The following CPXM2 variants were observed in gnomAD, a reference collection of about 807,000 sequenced individuals.
The protein encoded by CPXM2 is carboxypeptidase X, M14 family member 2.
A neutral mutation model predicts 86.1 loss-of-function variants in CPXM2; 66 were observed. That is an observed-to-expected ratio of 0.77 (90% CI 0.63 to 0.94). The LOEUF is 0.94. CPXM2 is among the 40% of genes least tolerant of loss of function. The probability of loss-of-function intolerance (pLI) is 0.00; values close to 1 mark genes in which losing one functional copy is unlikely to be tolerated. For missense variants in CPXM2, 948 were observed against 1,026.3 expected, an observed-to-expected ratio of 0.92 and a Z score of 1.04; for synonymous variants, 388 against 400.2, an observed-to-expected ratio of 0.97 and a Z score of 0.36.
chr10:123,782,333 G>A (rs1343610219), intron 6 of CPXM2, among the ~76,000 whole-genome samples: 2 of 152,178 alleles, frequency 1.3e-5, no homozygotes, highest in African/African-American at 4.8e-5. Context: ...TCTTTTCAAA[G>A]GACTTTAAAG....
chr10:123,911,429 G>A (rs1006058128), intron 2 of CPXM2, among the ~76,000 whole-genome samples: 1 of 152,086 alleles, frequency 6.6e-6, no homozygotes, highest in African/African-American at 2.4e-5. Flanking sequence ...GGGCATCGAT[G>A]AAGTTTCTCA....
intron 13 of CPXM2, chr10:123,750,869 C>T (rs1846057669): frequency 1.0e-6 from 1 of 985,180 alleles, no homozygotes; most frequent in African/African-American, 1.7e-5. Flanking sequence ...TGGCTGTTTT[C>T]CCCATGTCTT....
chr10:123,906,180 T>C (rs1334162155), intron 2 of CPXM2, among the ~76,000 whole-genome samples: 1 of 152,184 alleles, frequency 6.6e-6, no homozygotes, highest in Non-Finnish European at 1.5e-5. Context: ...CCAGAAGTCC[T>C]CAGAAATGTG....
Position 123,904,914 on chromosome 10 carries a change from A to C in CPXM2, n.175-24605T>G. The stretch of plus-strand genomic sequence containing the variant: ...CTGGAGGGCCCGAGCTCTGCATCAC[A>C]CCTGCATCCTAGTGAGGGATCAGCC... On this transcript the variant is annotated intron_variant and non_coding_transcript_variant, in intron 2 of 19. Transcript: ENST00000368854. Among the ~76,000 whole-genome samples the C allele has an allele frequency of 1.4e-5, 2 of 147,614 alleles. 1 individual carries two copies. Among genetic ancestry groups the C allele is most frequent in the Non-Finnish European group, 3.0e-5 (2 of 67,472 alleles).
upstream of CPXM2, among the ~76,000 whole-genome samples, chr10:123,895,766 C>T (rs527740052): frequency 3.2e-4 from 48 of 152,258 alleles, 1 homozygote; most frequent in African/African-American, 1.1e-3. Context: ...ACACACCAGT[C>T]GGGGGTAGTA....
intron 6 of CPXM2, among the ~76,000 whole-genome samples, chr10:123,789,958 A>G (rs1331914090): frequency 6.6e-6 from 1 of 152,144 alleles, no homozygotes; most frequent in Non-Finnish European, 1.5e-5. Context: ...CTCTACTAAA[A>G]TTACAAAAAA....
intron 2 of CPXM2, 50 bp downstream of exon 2, chr10:123,880,161 C>A: frequency 1.9e-6 from 1 of 520,958 alleles, no homozygotes; most frequent in Non-Finnish European, 3.5e-6. Flanking sequence ...CCCACCCTCC[C>A]TGAACAGGGC....
chr10:123,935,324 C>T (rs9702612), intron 2 of CPXM2, among the ~76,000 whole-genome samples: 199 of 152,232 alleles, frequency 1.3e-3, no homozygotes, highest in African/African-American at 3.1e-3. Flanking sequence ...TTTTCAATTG[C>T]GGCGGGGGTC....
intron 3 of CPXM2, among the ~76,000 whole-genome samples, chr10:123,843,591 G>T (rs1261536757): frequency 6.6e-6 from 1 of 151,904 alleles, no homozygotes; most frequent in Non-Finnish European, 1.5e-5. Context: ...AAGTCTGAAT[G>T]ATAAAAATGA....
chr10:123,799,217 A>G lies in CPXM2; in HGVS notation c.654-18T>C. The G allele has an allele frequency of 6.2e-7, 1 of 1,613,004 alleles. No individual in the cohort carries two copies. The highest frequency in any genetic ancestry group is 1.1e-5 in the South Asian group (1 of 91,058). On this transcript the variant is annotated intron_variant, in intron 4 of 13. Coordinates refer to ENST00000241305, the MANE Select transcript of CPXM2 (RefSeq NM_198148.3). ...AGTCACTCCTATGAGAAAATAAAAC[A>G]TCATTAGGACTACACACTTTAAAAT...
chr10:123,760,634 G>A (rs1310551992), intron 11 of CPXM2, among the ~76,000 whole-genome samples: 2 of 152,172 alleles, frequency 1.3e-5, no homozygotes, highest in African/African-American at 4.8e-5. Flanking sequence ...GCTCATTTGA[G>A]GTTTCACAGC....
chr10:123,799,145 C>T lies in CPXM2; in HGVS notation c.708G>A (p.Trp236Ter). 6.2e-7 allele frequency: 1 copy of T among 1,614,078 alleles called. No homozygotes were observed. Among genetic ancestry groups the T allele is most frequent in the East Asian group, 2.2e-5 (1 of 44,884 alleles). The change falls in exon 5 of 14, where the codon TGG becomes TGA. Residue 236 changes from tryptophan to a stop codon, truncating the protein, a stop_gained. Transcript: ENST00000241305. LOFTEE classifies it high-confidence loss of function. ...CTCCAGATCCATTCTTAACAGTGAC[C>T]CACGTGTGGCTGTCATTGCTCACCA... ...KVMVSNDSHT[W>*]VTVKNGSGDM...
chr10:123,891,811 C>T, upstream of CPXM2: 1 of 312,792 alleles, frequency 3.2e-6, no homozygotes. The surrounding 1 kb of genome is among the most constrained non-coding windows in gnomAD (Gnocchi z 5.6). Context: ...CGCGTGTGAC[C>T]GGCCCGCGGG....
chr10:123,898,136 TAG>T (rs1945352795), intron 2 of CPXM2, among the ~76,000 whole-genome samples: 1 of 152,218 alleles, frequency 6.6e-6, no homozygotes, highest in Non-Finnish European at 1.5e-5. Flanking sequence ...CTTGGTAGGA[TAG>T]AGACTAAAAA....
At chr10:123,805,820 A>G (rs1354571403) in intron 4 of CPXM2, among the ~76,000 whole-genome samples, 2 of 152,172 alleles carry the variant, frequency 1.3e-5, no homozygotes, top group East Asian at 3.8e-4. Flanking sequence ...CACTCACAAT[A>G]TTCTTTTCAT....
chr10:123,837,453 G>A (rs1848303633), intron 4 of CPXM2, among the ~76,000 whole-genome samples: 1 of 152,114 alleles, frequency 6.6e-6, no homozygotes, highest in East Asian at 1.9e-4. Context: ...GAAAAGATTT[G>A]GTTACTTCAA....
chr10:123,778,587 A>C (rs939232091), intron 7 of CPXM2, among the ~76,000 whole-genome samples: 12 of 152,234 alleles, frequency 7.9e-5, no homozygotes, highest in African/African-American at 2.7e-4. Flanking sequence ...AAGAGCCCCA[A>C]GTCTCCATGC....
At chr10:123,794,901 C>T (rs1847296614) in intron 6 of CPXM2, among the ~76,000 whole-genome samples, 1 of 152,164 alleles carries the variant, frequency 6.6e-6, no homozygotes, top group African/African-American at 2.4e-5. Context: ...TCCCAAGTAG[C>T]TGGGATTACA....
chr10:123,807,293 A>G (rs1334200387), intron 4 of CPXM2, among the ~76,000 whole-genome samples: 63 of 152,192 alleles, frequency 4.1e-4, no homozygotes, highest in Admixed American at 4.1e-3. Context: ...ATGTTCTGTC[A>G]TTGCCATAAG....
Sources: gnomAD v4.1 joint callset for allele counts (sites outside exome capture counted in the v4.1 genomes callset) on GRCh38, gnomAD v4.1.1 for gene constraint, Gnocchi (gnomAD v3.1) non-coding constraint, MANE v1.5 for transcripts, NCBI Gene and HGNC (gene_info 2026-07-23, HGNC 2026-07-21) for gene names.